Variants in MEIS1 observed in about 807,000 individuals in gnomAD.
The protein encoded by MEIS1 is Meis homeobox 1.
A neutral mutation model predicts 50.8 loss-of-function variants in MEIS1; 5 were observed. That is an observed-to-expected ratio of 0.10 (90% CI 0.05 to 0.21). The LOEUF (loss-of-function observed/expected upper bound fraction) is 0.21, where lower values mean the gene tolerates loss of function less well. MEIS1 is among the 10% of genes least tolerant of loss of function. The probability of loss-of-function intolerance (pLI) is 1.00; values close to 1 mark genes in which losing one functional copy is unlikely to be tolerated. For missense variants in MEIS1, 318 were observed against 517.3 expected (o/e 0.61, Z 3.74); for synonymous variants, 176 against 179.3 (o/e 0.98, Z 0.15).
intron 7 of MEIS1, among the ~76,000 whole-genome samples, chr2:66,492,486 T>C (rs1673296598): frequency 6.6e-6 from 1 of 152,186 alleles, no homozygotes. Flanking sequence ...GGCTGCCCTC[T>C]CTACCCTGCA....
intron 7 of MEIS1, among the ~76,000 whole-genome samples, chr2:66,484,595 G>A (rs1673093350): frequency 6.6e-6 from 1 of 151,396 alleles, no homozygotes; most frequent in South Asian, 2.1e-4. Context: ...TTTCACTTTT[G>A]TGGCCCAGGC....
At chr2:66,445,756 G>A (rs1672117774) in intron 6 of MEIS1, among the ~76,000 whole-genome samples, 1 of 152,206 alleles carries the variant, frequency 6.6e-6, no homozygotes, top group Admixed American at 6.5e-5. Flanking sequence ...GTATCCCGGA[G>A]GGCTAAGTCG....
chr2:66,567,752 G>A, intron 10 of MEIS1: 2 of 633,000 alleles, frequency 3.2e-6, no homozygotes, highest in Non-Finnish European at 5.6e-6. Flanking sequence ...AATATGCTCA[G>A]TTACAATATT....
rs192707210 is a variant in MEIS1, at chr2:66,527,710, G to A, written c.888+15416G>A. Among the ~76,000 whole-genome samples, 3 of 151,610 alleles carry A rather than the reference G, an allele frequency of 2.0e-5. No individual in the cohort carries two copies. The East Asian group carries it at 5.8e-4, about 29-fold the overall frequency. ...ATGAATACCTTATGCTTTTTGGTTT[G>A]AGGAGAGATGGCTAGAATAGTTTCC... On this transcript the variant is annotated intron_variant, in intron 8 of 12. Coordinates refer to ENST00000272369, the MANE Select transcript of MEIS1 (RefSeq NM_002398.3).
At chr2:66,449,616 G>C (rs776093133) in intron 6 of MEIS1, among the ~76,000 whole-genome samples, 3 of 152,044 alleles carry the variant, frequency 2.0e-5, no homozygotes, top group Non-Finnish European at 4.4e-5. Flanking sequence ...TTGGACATTT[G>C]AATAAATGGT....
chr2:66,440,823 G>T lies in MEIS1; in HGVS notation c.432+211G>T. ...CTCGAGAGGGGCCGGGCGAGCCAGC[G>T]CGGGGAAACGCGAGCTTTTGTTTTT... is the stretch of plus-strand genomic sequence containing the variant. On this transcript the variant is annotated intron_variant, in intron 4 of 12. Transcript: ENST00000272369. 1.0e-5 allele frequency: 6 copies of T among 572,706 alleles called. No individual in the cohort carries two copies. The South Asian group carries it at 1.4e-4, about 14-fold the overall frequency. The allele number at this position is 572,706 out of a possible 1,614,324, so 35.5% of individuals were successfully genotyped here. A position where few individuals can be genotyped will look rare whatever the true frequency, so the allele number is the denominator to read the frequency against.
intron 7 of MEIS1, among the ~76,000 whole-genome samples, chr2:66,478,264 A>G (rs928875626): frequency 6.6e-6 from 1 of 152,078 alleles, no homozygotes; most frequent in South Asian, 2.1e-4. Flanking sequence ...TACAAGTTAC[A>G]TAGCGAGAAG....
intron 7 of MEIS1, among the ~76,000 whole-genome samples, chr2:66,490,292 G>A (rs1450333703): frequency 2.0e-5 from 3 of 152,168 alleles, no homozygotes; most frequent in Non-Finnish European, 4.4e-5. Flanking sequence ...CTGTGTAGCC[G>A]GATTTGGAGG....
At chr2:66,478,675 A>T (rs376147641) in intron 7 of MEIS1, among the ~76,000 whole-genome samples, 1 of 152,240 alleles carries the variant, frequency 6.6e-6, no homozygotes, top group African/African-American at 2.4e-5. Context: ...TTTTGAATGT[A>T]GCAACCATGC....
chr2:66,524,012 G>T (rs752098901), intron 8 of MEIS1, among the ~76,000 whole-genome samples: 5 of 152,216 alleles, frequency 3.3e-5, no homozygotes, highest in Non-Finnish European at 5.9e-5. Context: ...AGAGAAGCAA[G>T]GCCAAATGTA....
At chr2:66,487,083 T>C (rs1036114799) in intron 7 of MEIS1, among the ~76,000 whole-genome samples, 1 of 152,234 alleles carries the variant, frequency 6.6e-6, no homozygotes, top group African/African-American at 2.4e-5. Context: ...GAATACCCTT[T>C]ATTTCTTTCT....
At chr2:66,464,356 T>C (rs1672587764) in intron 7 of MEIS1, 136 bp downstream of exon 7, 2 of 718,146 alleles carry the variant, frequency 2.8e-6, no homozygotes, top group Non-Finnish European at 4.8e-6. Flanking sequence ...CAGCTCATCT[T>C]ATTTTATTCT....
chr2:66,543,790 T>C (rs1277483936), intron 8 of MEIS1, among the ~76,000 whole-genome samples: 1 of 152,218 alleles, frequency 6.6e-6, no homozygotes, highest in Non-Finnish European at 1.5e-5. Flanking sequence ...CAAATTCCCA[T>C]CTTGATCAAT....
intron 8 of MEIS1, among the ~76,000 whole-genome samples, chr2:66,517,622 T>G (rs1230739730): frequency 6.6e-6 from 1 of 152,172 alleles, no homozygotes; most frequent in Non-Finnish European, 1.5e-5. Flanking sequence ...TCTGCTACTT[T>G]GTAGATAGCG....
chr2:66,502,412 T>C (rs1442654351), intron 7 of MEIS1, among the ~76,000 whole-genome samples: 1 of 152,246 alleles, frequency 6.6e-6, no homozygotes, highest in Non-Finnish European at 1.5e-5. Context: ...CCTTTACTTA[T>C]TACTTTACCT....
At chr2:66,568,645 A>G (rs750691379) in intron 10 of MEIS1, 22 bp from the exon 11 acceptor site, 1 of 1,600,480 alleles carries the variant, frequency 6.2e-7, no homozygotes, top group African/African-American at 1.3e-5. Flanking sequence ...TTATTAAAAA[A>G]CCACATTCTG....
intron 7 of MEIS1, among the ~76,000 whole-genome samples, chr2:66,505,209 T>A (rs1673658034): frequency 6.6e-6 from 1 of 151,762 alleles, no homozygotes; most frequent in South Asian, 2.1e-4. Flanking sequence ...AGGCCAGGAG[T>A]TTGAGACCAG....
At chr2:66,440,464 T>C in intron 3 of MEIS1, 98 bp from the exon 4 acceptor site, 2 of 1,021,962 alleles carry the variant, frequency 2.0e-6, no homozygotes, top group Admixed American at 2.0e-5. Context: ...CCCCCGACAG[T>C]GTAATGAGGC....
chr2:66,567,611 A>C, intron 10 of MEIS1, 100 bp downstream of exon 10: 1 of 1,065,220 alleles, frequency 9.4e-7, no homozygotes, highest in Non-Finnish European at 1.4e-6. Flanking sequence ...ACTGGGAGTG[A>C]GTATAGGAAC....
Sources: allele counts gnomAD v4.1 joint callset (sites outside exome capture counted in the v4.1 genomes callset), GRCh38; gene constraint gnomAD v4.1.1; transcripts MANE v1.5; gene names NCBI Gene and HGNC (gene_info 2026-07-23, HGNC 2026-07-21).